Variants in MGAT4C observed in about 807,000 individuals in gnomAD.
MGAT4C encodes alpha-1,3-mannosyl-glycoprotein 4-beta-N-acetylglucosaminyltransferase C.
In MGAT4C, 19 loss-of-function variants were observed where a neutral mutation model predicts 40.1. The ratio of observed to expected loss-of-function variants is 0.47; its 90% CI spans 0.33 to 0.70. MGAT4C has a LOEUF of 0.70. Among genes scored for constraint, MGAT4C ranks in the 30% least tolerant of loss-of-function variants. The probability of loss-of-function intolerance (pLI) is 0.02; values close to 1 mark genes in which losing one functional copy is unlikely to be tolerated. For missense variants in MGAT4C, 491 were observed against 563.2 expected, an observed-to-expected ratio of 0.87 and a Z score of 1.30; for synonymous variants, 181 against 187.1, an observed-to-expected ratio of 0.97 and a Z score of 0.27.
chr12:86,379,317 T>C (rs981185694), intron 3 of MGAT4C, among the ~76,000 whole-genome samples: 7 of 152,152 alleles, frequency 4.6e-5, no homozygotes, highest in African/African-American at 1.7e-4. Flanking sequence ...TGCTTCTTTA[T>C]TATTTTAATC....
intron 1 of MGAT4C, among the ~76,000 whole-genome samples, chr12:86,807,987 A>G (rs1566004191): frequency 6.6e-6 from 1 of 151,848 alleles, no homozygotes; most frequent in African/African-American, 2.4e-5. Flanking sequence ...TTTCTTATAA[A>G]TTTGTTTAAC....
chr12:86,723,859 A>G (rs1950777562), intron 2 of MGAT4C, among the ~76,000 whole-genome samples: 1 of 152,232 alleles, frequency 6.6e-6, no homozygotes, highest in African/African-American at 2.4e-5. Context: ...AAATGTAACA[A>G]CTGCCTTAAA....
intron 2 of MGAT4C, among the ~76,000 whole-genome samples, chr12:86,676,772 T>A (rs1296132764): frequency 6.6e-6 from 1 of 152,062 alleles, no homozygotes; most frequent in Non-Finnish European, 1.5e-5. Context: ...CATATCTACA[T>A]AAGAAAGATC....
At chr12:86,237,519 A>C (rs1951605352) in intron 1 of MGAT4C, among the ~76,000 whole-genome samples, 2 of 151,934 alleles carry the variant, frequency 1.3e-5, no homozygotes, top group Admixed American at 1.3e-4. Flanking sequence ...AACTTTTTAA[A>C]ATTGTCTATT....
chr12:86,227,873 C>T (rs1304390223), intron 1 of MGAT4C, among the ~76,000 whole-genome samples: 1 of 151,820 alleles, frequency 6.6e-6, no homozygotes, highest in Admixed American at 6.6e-5. Context: ...TGTAGTAGTA[C>T]AGCTAGAAAT....
At chr12:86,685,183 T>A (rs1950051490) in intron 2 of MGAT4C, among the ~76,000 whole-genome samples, 2 of 152,194 alleles carry the variant, frequency 1.3e-5, no homozygotes, top group Non-Finnish European at 2.9e-5. Flanking sequence ...TATGCTTAAG[T>A]CTTTAATCCA....
At chr12:86,769,311 C>T (rs1477539061) in intron 1 of MGAT4C, among the ~76,000 whole-genome samples, 2 of 152,096 alleles carry the variant, frequency 1.3e-5, no homozygotes, top group South Asian at 2.1e-4. Flanking sequence ...ATCAAAACCA[C>T]AATGAGATAC....
chr12:86,348,451 T>C (rs1320803401), intron 3 of MGAT4C, among the ~76,000 whole-genome samples: 1 of 152,160 alleles, frequency 6.6e-6, no homozygotes, highest in African/African-American at 2.4e-5. Flanking sequence ...CATCATTTCT[T>C]GTTGCTATGC....
chr12:86,515,738 C>CTTTTTT (rs940550644), intron 2 of MGAT4C, among the ~76,000 whole-genome samples: 335 of 133,440 alleles, frequency 2.5e-3, no homozygotes, highest in African/African-American at 9.0e-3. Context: ...TAAAGCAATT[C>CTTTTTT]TTTTTTTTTT....
Position 86,284,362 on chromosome 12 carries a change from C to T in MGAT4C, c.-57+49703G>A, listed in dbSNP as rs996133620. Among the ~76,000 whole-genome samples the T allele has an allele frequency of 4.0e-5, 6 of 151,848 alleles. No individual in the cohort carries two copies. In the East Asian group the frequency reaches 5.8e-4, roughly 15 times the overall value. ...AGATAAAAAGTAACAATGTGGTCCT[C>T]GCAAAGCTTCTCTGGAGACACCTCT... On this transcript the variant is annotated intron_variant, in intron 4 of 7. Coordinates refer to the MGAT4C transcript ENST00000548651.
At chr12:86,179,303 A>C (rs2201281) in intron 1 of MGAT4C, among the ~76,000 whole-genome samples, 16,893 of 152,184 alleles carry the variant, frequency 0.11, 1,987 homozygotes, top group African/African-American at 0.3. Flanking sequence ...AAGTCCAATT[A>C]AACTTCTTTT....
rs115431162 is a variant in MGAT4C, at chr12:86,005,109, A to G, written c.-6-15557T>C. ...AAACCTGCCCCAGTCACCAGCCTGA[A>G]GAGACAGATTTGGTCACTGCCTTGT... On this transcript the variant is annotated intron_variant, in intron 2 of 4. Transcript: ENST00000611864. Among the ~76,000 whole-genome samples, 370 of 152,294 alleles carry G rather than the reference A, an allele frequency of 2.4e-3. 2 individuals are homozygous for G. The highest frequency in any genetic ancestry group is 8.6e-3 in the African/African-American group (357 of 41,574).
intron 2 of MGAT4C, among the ~76,000 whole-genome samples, chr12:86,533,596 T>C (rs970322258): frequency 6.6e-5 from 10 of 151,690 alleles, no homozygotes; most frequent in African/African-American, 2.2e-4. Context: ...TTAATTAAAT[T>C]ATAATTATTT....
At chr12:86,098,782 A>T (rs1328070187) in intron 1 of MGAT4C, among the ~76,000 whole-genome samples, 2 of 151,688 alleles carry the variant, frequency 1.3e-5, no homozygotes, top group Admixed American at 1.3e-4. Context: ...CTTCTGAATA[A>T]CTTAAAATTA....
intron 1 of MGAT4C, among the ~76,000 whole-genome samples, chr12:86,766,838 A>G (rs1467430188): frequency 6.6e-6 from 1 of 152,130 alleles, no homozygotes; most frequent in African/African-American, 2.4e-5. Flanking sequence ...AAGACACAAC[A>G]TACCAGAATC....
rs1442878219 is a variant in MGAT4C at position 85,963,316 on chromosome 12, T to C, written c.*15973A>G. 1 of 152,014 alleles carries C rather than the reference T, an allele frequency of 6.6e-6. No individual in the cohort carries two copies. Among genetic ancestry groups the C allele is most frequent in the Non-Finnish European group, 1.5e-5 (1 of 67,892 alleles). The allele number at this position is 152,014 out of a possible 1,614,324, so 9.4% of individuals were successfully genotyped here. On this transcript the variant is annotated 3_prime_UTR_variant, in exon 5 of 5. Transcript: ENST00000611864. ...AATACAACATTTTTATGTAGAAATA[T>C]ATTCTTGAAATGTAACTAGCACATA...
chr12:86,279,058 T>C (rs549602477), intron 4 of MGAT4C, among the ~76,000 whole-genome samples: 36 of 152,210 alleles, frequency 2.4e-4, no homozygotes, highest in Admixed American at 6.5e-4. Flanking sequence ...GCTAGTATTC[T>C]GTTTTTGCCT....
At chr12:86,204,290 A>G (rs989935826) in intron 1 of MGAT4C, among the ~76,000 whole-genome samples, 1 of 152,082 alleles carries the variant, frequency 6.6e-6, no homozygotes, top group African/African-American at 2.4e-5. Flanking sequence ...AGGTTATAGT[A>G]TGTGAGTGAA....
intron 3 of MGAT4C, among the ~76,000 whole-genome samples, chr12:85,988,770 A>T (rs1036082846): frequency 2.0e-5 from 3 of 151,898 alleles, no homozygotes; most frequent in Non-Finnish European, 4.4e-5. Flanking sequence ...TATTTTCCCT[A>T]AAAAAACCTA....
Sources: gnomAD v4.1 joint callset for allele counts (sites outside exome capture counted in the v4.1 genomes callset) on GRCh38, gnomAD v4.1.1 for gene constraint, MANE v1.5 for transcripts, NCBI Gene and HGNC (gene_info 2026-07-23, HGNC 2026-07-21) for gene names.